CCDC38: variants seen among roughly 807,000 people sequenced by gnomAD.
CCDC38 encodes coiled-coil domain containing 38, also known as coiled-coil domain-containing protein 38.
A neutral mutation model predicts 72.8 loss-of-function variants in CCDC38; 69 were observed. The observed-to-expected ratio is 0.95, with a 90% confidence interval of 0.78 to 1.16. CCDC38 has a LOEUF of 1.16. Ranked by LOEUF, CCDC38 falls within the 50% of genes most tolerant of loss-of-function variation. The probability of loss-of-function intolerance (pLI) is 0.00; values close to 1 mark genes in which losing one functional copy is unlikely to be tolerated. For synonymous variants in CCDC38, 201 were observed against 213.2 expected (o/e 0.94, Z 0.50); for missense variants, 626 against 638.9 (o/e 0.98, Z 0.22).
At chr12:95,908,237 ATCACTCGCGGT>A (rs1054943601) in intron 4 of CCDC38, among the ~76,000 whole-genome samples, 3 of 151,540 alleles carry the variant, frequency 2.0e-5, no homozygotes, top group African/African-American at 7.3e-5. Context: ...AGGCTGGCGG[ATCACTCGCGGT>A]TAGGAGCTGG....
intron 8 of CCDC38, 47 bp from the exon 9 acceptor site, chr12:95,890,977 A>T (rs566654117): frequency 3.0e-6 from 3 of 1,008,384 alleles, no homozygotes; most frequent in Non-Finnish European, 4.6e-6. Context: ...AGATGGGGGG[A>T]AAAAAACACT....
rs757630509 is a variant in CCDC38, at chr12:95,936,465, C to G, written c.37+8G>C. 22 of 1,612,506 alleles carry G rather than the reference C, an allele frequency of 1.4e-5. No individual in the cohort carries two copies. The highest frequency in any genetic ancestry group is 2.2e-5 in the East Asian group (1 of 44,832). ...CAAACAAGAATATATTGATTGATTT[C>G]TTTTTACCTCCAGAATTCAGTGTTG... On this transcript the variant is annotated splice_region_variant and intron_variant, in intron 2 of 15. Transcript: ENST00000344280.
chr12:95,872,213 A>C (rs1592751592), intron 14 of CCDC38, 42 bp downstream of exon 14: 1 of 1,581,162 alleles, frequency 6.3e-7, no homozygotes, highest in East Asian at 2.2e-5. Context: ...TCTGAGCAAA[A>C]CCAGCTACTC....
Position 95,895,024 on chromosome 12 carries a change from CT to C in CCDC38, c.736del (p.Ser246ValfsTer11). The C allele has an allele frequency of 6.2e-7, 1 of 1,609,222 alleles. No individual in the cohort carries two copies. Among genetic ancestry groups the C allele is most frequent in the Non-Finnish European group, 8.5e-7 (1 of 1,178,470 alleles). The stretch of plus-strand genomic sequence containing the variant: ...TTTTGGAAGGATGATATTTGCTTTA[CT>C]TTTTGATGCCTGTGCTCTTTTTAGT... ...QALKRAQASK[S>X]KANIILPKIL... On this transcript the variant is annotated frameshift_variant, in exon 8 of 16. Coordinates refer to ENST00000344280, the MANE Select transcript of CCDC38 (RefSeq NM_182496.3). LOFTEE classifies it high-confidence loss of function.
chr12:95,937,075 A>G (rs567038791), intron 1 of CCDC38, among the ~76,000 whole-genome samples: 1 of 152,394 alleles, frequency 6.6e-6, no homozygotes, highest in East Asian at 1.9e-4. Context: ...TAAACAAACA[A>G]AAACAAAACA....
intron 13 of CCDC38, among the ~76,000 whole-genome samples, chr12:95,875,218 C>T (rs1174234070): frequency 6.6e-6 from 1 of 152,036 alleles, no homozygotes; most frequent in Non-Finnish European, 1.5e-5. Flanking sequence ...CTGGTAAAGC[C>T]TGGAAGCAGG....
intron 4 of CCDC38, among the ~76,000 whole-genome samples, chr12:95,915,559 C>T (rs1328064832): frequency 6.6e-6 from 1 of 152,190 alleles, no homozygotes; most frequent in Non-Finnish European, 1.5e-5. Context: ...AGTCACCTAA[C>T]CTCCCAGCGT....
intron 4 of CCDC38, among the ~76,000 whole-genome samples, chr12:95,908,041 C>CG (rs1368560479): frequency 6.6e-6 from 1 of 152,154 alleles, no homozygotes; most frequent in African/African-American, 2.4e-5. Context: ...GACGGGGTGG[C>CG]GGCCTTCCCA....
intron 4 of CCDC38, among the ~76,000 whole-genome samples, chr12:95,915,724 A>G (rs1349293724): frequency 1.3e-5 from 2 of 152,230 alleles, no homozygotes; most frequent in African/African-American, 4.8e-5. Context: ...TAAAATGTCC[A>G]AATTGCTTAT....
In CCDC38 at chr12:95,925,698, A is replaced by T. The variant is rs186921046; in HGVS notation, c.38-6722T>A. ...GGGTTTGTCATAGATAGCTCTTATTATTTTGAGATACGTCCCATCAATACC... is the reference window on the plus strand; with the variant it reads ...GGGTTTGTCATAGATAGCTCTTATTTTTTTGAGATACGTCCCATCAATACC... On this transcript the variant is annotated intron_variant, in intron 2 of 15. Transcript: ENST00000344280. 9.8e-3 allele frequency among the ~76,000 whole-genome samples: 1,489 copies of T among 152,166 alleles called. 21 individuals carry two copies. The highest frequency in any genetic ancestry group is 0.033 in the African/African-American group (1,386 of 41,478).
intron 2 of CCDC38, among the ~76,000 whole-genome samples, chr12:95,935,817 G>A (rs2080387158): frequency 6.6e-6 from 1 of 152,186 alleles, no homozygotes; most frequent in East Asian, 1.9e-4. Flanking sequence ...GATAGCTCAT[G>A]CCTGTAATCC....
Position 95,888,524 on chromosome 12 carries a change from G to C in CCDC38, c.872-18C>G. 6.2e-7 allele frequency: 1 copy of C among 1,613,556 alleles called. No individual in the cohort carries two copies. Among genetic ancestry groups the C allele is most frequent in the Non-Finnish European group, 8.5e-7 (1 of 1,179,540 alleles). Reference sequence around the variant, plus strand: ...TGGCTTTCCTGTTCAAAATGTCCAGGTGAGGCCATGCCGTTGGTGATGGTG... The same window carrying C: ...TGGCTTTCCTGTTCAAAATGTCCAGCTGAGGCCATGCCGTTGGTGATGGTG... On this transcript the variant is annotated intron_variant, in intron 9 of 15. Coordinates refer to ENST00000344280, the MANE Select transcript of CCDC38 (RefSeq NM_182496.3).
chr12:95,876,080 T>C (rs2079632414), intron 13 of CCDC38, among the ~76,000 whole-genome samples: 1 of 152,222 alleles, frequency 6.6e-6, no homozygotes, highest in African/African-American at 2.4e-5. Flanking sequence ...ATAAACAATA[T>C]ATGGTATAAA....
chr12:95,880,683 A>G (rs1449692222), intron 11 of CCDC38, among the ~76,000 whole-genome samples: 8 of 152,040 alleles, frequency 5.3e-5, no homozygotes. Flanking sequence ...AAATCCTGTC[A>G]TATGCTATAA....
chr12:95,890,725 G>A, intron 9 of CCDC38, 107 bp downstream of exon 9: 1 of 611,498 alleles, frequency 1.6e-6, no homozygotes, highest in Non-Finnish European at 2.9e-6. Flanking sequence ...TGAGGGTGGG[G>A]TGGACACAGC....
intron 14 of CCDC38, among the ~76,000 whole-genome samples, chr12:95,870,351 A>G (rs2079568032): frequency 6.6e-6 from 1 of 152,040 alleles, no homozygotes; most frequent in Admixed American, 6.6e-5. Flanking sequence ...TGTGCAACTT[A>G]TCAAGTACAA....
At chr12:95,891,362 T>G (rs77173765) in intron 8 of CCDC38, among the ~76,000 whole-genome samples, 29,238 of 152,038 alleles carry the variant, frequency 0.19, 2,958 homozygotes, top group African/African-American at 0.25. Context: ...TTTATTTTTT[T>G]GGGGACAGGG....
intron 2 of CCDC38, among the ~76,000 whole-genome samples, chr12:95,923,545 A>AAAAT (rs2080232770): frequency 6.6e-6 from 1 of 150,744 alleles, no homozygotes; most frequent in South Asian, 2.1e-4. Flanking sequence ...TTTTTTTTTA[A>AAAAT]TTTATTATTA....
chr12:95,929,102 G>A (rs2080307000), intron 2 of CCDC38, among the ~76,000 whole-genome samples: 1 of 152,340 alleles, frequency 6.6e-6, no homozygotes, highest in South Asian at 2.1e-4. Flanking sequence ...GTTTACCTAA[G>A]CAAGCCTGGG....
Sources: allele counts gnomAD v4.1 joint callset (sites outside exome capture counted in the v4.1 genomes callset), GRCh38; gene constraint gnomAD v4.1.1; transcripts MANE v1.5; gene names NCBI Gene and HGNC (gene_info 2026-07-23, HGNC 2026-07-21).